Variants in SYTL5 observed in about 807,000 individuals in gnomAD.
The protein encoded by SYTL5 is synaptotagmin like 5, also known as synaptotagmin-like protein 5.
SYTL5 carries 34 observed loss-of-function variants against 55.9 expected under a neutral mutation model. The observed-to-expected ratio is 0.61, with a 90% CI of 0.46 to 0.81. SYTL5 has a LOEUF of 0.81. Ranked by LOEUF, SYTL5 falls within the 30% of genes least tolerant of loss-of-function variation. SYTL5 has a pLI of 0.00. For synonymous variants in SYTL5, 221 were observed against 188.7 expected, an observed-to-expected ratio of 1.17 and a Z score of -1.40; for missense variants, 637 against 546.7, an observed-to-expected ratio of 1.17 and a Z score of -1.65.
chrX:37,977,533 C>A, the SYTL5 span, among the ~76,000 whole-genome samples: 2 of 109,303 alleles, frequency 1.8e-5, no homozygotes, highest in African/African-American at 6.7e-5. Flanking sequence ...AGGAATAATG[C>A]AAGGGAGGTA....
At chrX:38,112,825 C>T (rs867429793) in intron 13 of SYTL5, among the ~76,000 whole-genome samples, 1 of 112,147 alleles carries the variant, frequency 8.9e-6, no homozygotes, top group African/African-American at 3.2e-5. Flanking sequence ...GCAATTGTCA[C>T]TCCAGCAGCT....
At chrX:37,990,274 A>C in the SYTL5 span, among the ~76,000 whole-genome samples, 1 of 111,874 alleles carries the variant, frequency 8.9e-6, no homozygotes, top group Admixed American at 9.5e-5. Flanking sequence ...CTAAAAGAAA[A>C]AGATGTTATG....
the SYTL5 span, among the ~76,000 whole-genome samples, chrX:37,910,780 C>T: frequency 7.2e-5 from 8 of 111,403 alleles, no homozygotes; most frequent in African/African-American, 2.6e-4. Context: ...CCATAGGTGT[C>T]GGGGTAGAGC....
At chrX:37,988,573 C>T in the SYTL5 span, among the ~76,000 whole-genome samples, 1 of 111,880 alleles carries the variant, frequency 8.9e-6, no homozygotes, top group Non-Finnish European at 1.9e-5. Context: ...TATATAACAA[C>T]CTTAGATTAT....
upstream of SYTL5, among the ~76,000 whole-genome samples, chrX:38,004,063 C>T (rs1433672167): frequency 8.9e-6 from 1 of 111,778 alleles, no homozygotes; most frequent in East Asian, 2.8e-4. Context: ...TAGAGTTATT[C>T]GAGCTCCTTA....
chrX:38,087,354 T>A (rs144579421), intron 6 of SYTL5, among the ~76,000 whole-genome samples: 2,772 of 111,959 alleles, frequency 0.025, 70 homozygotes, highest in African/African-American at 0.085. Flanking sequence ...AGGGTACAAA[T>A]ATGGCTAACT....
intron 1 of SYTL5, chrX:38,024,058 A>C (rs749916431): frequency 9.0e-6 from 1 of 110,806 alleles, no homozygotes; most frequent in South Asian, 4.1e-4. Flanking sequence ...TAGAAAAAAA[A>C]ATATTTAACT....
chrX:38,049,676 G>A (rs998451272), intron 2 of SYTL5, among the ~76,000 whole-genome samples: 14 of 111,804 alleles, frequency 1.3e-4, no homozygotes, highest in African/African-American at 4.6e-4. Context: ...AAACCTAACT[G>A]CAAGAAATAC....
chrX:38,009,543 T>G (rs1442521706), intron 1 of SYTL5, among the ~76,000 whole-genome samples: 2 of 112,022 alleles, frequency 1.8e-5, no homozygotes, highest in African/African-American at 6.5e-5. Context: ...CCAAGTCCAT[T>G]CATTTCTTTA....
intron 12 of SYTL5, 78 bp downstream of exon 12, chrX:38,108,777 A>G (rs956940841): frequency 3.2e-6 from 2 of 620,616 alleles, no homozygotes; most frequent in Non-Finnish European, 5.0e-6. Context: ...TACAGAGAAT[A>G]TTTTATTTGT....
At chrX:37,980,038 A>G in the SYTL5 span, among the ~76,000 whole-genome samples, 1 of 110,376 alleles carries the variant, frequency 9.1e-6, no homozygotes, top group Non-Finnish European at 1.9e-5. Flanking sequence ...ACTCCCACCT[A>G]TGAGTGAGAA....
intron 10 of SYTL5, among the ~76,000 whole-genome samples, chrX:38,104,907 C>A (rs1429473941): frequency 8.9e-6 from 1 of 112,135 alleles, no homozygotes; most frequent in Non-Finnish European, 1.9e-5. Context: ...ATGCCTAAAA[C>A]CTCGCGTAGT....
At chrX:37,903,585 G>A in the SYTL5 span, among the ~76,000 whole-genome samples, 1 of 103,836 alleles carries the variant, frequency 9.6e-6, no homozygotes. Context: ...AGCATTAGGA[G>A]ATATACCTAA....
At chrX:37,904,268 G>T in the SYTL5 span, among the ~76,000 whole-genome samples, 18 of 104,808 alleles carry the variant, frequency 1.7e-4, no homozygotes, top group South Asian at 4.7e-4. Context: ...GGTGGTCCGG[G>T]GGGGGGGGTG....
the SYTL5 span, among the ~76,000 whole-genome samples, chrX:37,928,780 T>C: frequency 8.9e-6 from 1 of 112,520 alleles, no homozygotes; most frequent in Non-Finnish European, 1.9e-5. Flanking sequence ...CTGGCACAAT[T>C]ATTTTTCCAT....
intron 12 of SYTL5, 75 bp from the exon 13 acceptor site, chrX:38,110,246 A>T (rs1937324724): frequency 5.3e-6 from 4 of 749,778 alleles, no homozygotes; most frequent in Non-Finnish European, 7.4e-6. Context: ...AAGATGTTGG[A>T]AGTAAATTTC....
At chrX:38,018,746 G>T (rs757058511) in intron 1 of SYTL5, among the ~76,000 whole-genome samples, 1 of 111,369 alleles carries the variant, frequency 9.0e-6, no homozygotes, top group South Asian at 3.8e-4. Context: ...AACCTTTGCA[G>T]TTCCCCATGC....
chrX:38,069,754 C>T (rs1024813738), intron 3 of SYTL5, among the ~76,000 whole-genome samples: 1 of 111,978 alleles, frequency 8.9e-6, no homozygotes, highest in African/African-American at 3.2e-5. Flanking sequence ...TGTCTGATCA[C>T]ATCAGCACCT....
the SYTL5 span, among the ~76,000 whole-genome samples, chrX:37,970,354 CT>C: frequency 0.012 from 1,192 of 96,181 alleles, 17 homozygotes; most frequent in African/African-American, 0.03. Flanking sequence ...TTTTTTTTAC[CT>C]TTTTTTTTTT....
Sources: gnomAD v4.1 joint callset for allele counts (sites outside exome capture counted in the v4.1 genomes callset) on GRCh38, gnomAD v4.1.1 for gene constraint, MANE v1.5 for transcripts, NCBI Gene and HGNC (gene_info 2026-07-23, HGNC 2026-07-21) for gene names.